LATS1: variants seen among roughly 807,000 people sequenced by gnomAD.
The protein encoded by LATS1 is large tumor suppressor kinase 1, also known as serine/threonine-protein kinase LATS1.
LATS1 carries 25 observed loss-of-function variants against 106.6 expected under a neutral mutation model. That is an observed-to-expected ratio of 0.23 (90% CI 0.17 to 0.33). The LOEUF (loss-of-function observed/expected upper bound fraction) is 0.33, where lower values mean the gene tolerates loss of function less well. Among genes scored for constraint, LATS1 ranks in the 10% least tolerant of loss-of-function variants. LATS1 has a pLI of 1.00. For missense variants in LATS1, 1,040 were observed against 1,382.6 expected, an observed-to-expected ratio of 0.75 and a Z score of 3.93; for synonymous variants, 465 against 455.6, an observed-to-expected ratio of 1.02 and a Z score of -0.26.
chr6:149,683,055 A>C (rs983661698), intron 4 of LATS1, 24 bp downstream of exon 4: 88 of 1,572,698 alleles, frequency 5.6e-5, no homozygotes, highest in Non-Finnish European at 7.3e-5. Flanking sequence ...TAAGTATAAA[A>C]ATGGACATTT....
chr6:149,694,719 A>T (rs1189404214), intron 3 of LATS1, among the ~76,000 whole-genome samples: 5 of 152,186 alleles, frequency 3.3e-5, no homozygotes, highest in Non-Finnish European at 7.3e-5. Context: ...CTTTCTAAAT[A>T]TTCTATGTTG....
chr6:149,685,973 C>A (rs1172229281), intron 3 of LATS1, among the ~76,000 whole-genome samples: 1 of 151,882 alleles, frequency 6.6e-6, no homozygotes, highest in African/African-American at 2.4e-5. Context: ...TAGAAAAAAA[C>A]AAAAGACCAT....
intron 2 of LATS1, among the ~76,000 whole-genome samples, chr6:149,701,161 C>A (rs1315665013): frequency 6.6e-6 from 1 of 152,176 alleles, no homozygotes. Context: ...CTAAAATATT[C>A]ATGCTTACAA....
intron 3 of LATS1, 37 bp from the exon 4 acceptor site, chr6:149,684,629 A>C: frequency 6.9e-7 from 1 of 1,454,364 alleles, no homozygotes; most frequent in East Asian, 2.3e-5. Flanking sequence ...AAAAAGAATC[A>C]TGTTTTTAAC....
intron 1 of LATS1, among the ~76,000 whole-genome samples, chr6:149,715,254 A>G (rs1784322541): frequency 6.6e-6 from 1 of 152,008 alleles, no homozygotes; most frequent in African/African-American, 2.4e-5. Flanking sequence ...TTTTTAGTAG[A>G]GATGGGGTTT....
intron 3 of LATS1, among the ~76,000 whole-genome samples, chr6:149,688,100 C>T (rs987332510): frequency 3.3e-5 from 5 of 151,406 alleles, no homozygotes; most frequent in Non-Finnish European, 7.4e-5. Flanking sequence ...TGGTCTCGAT[C>T]TCCTGACCTC....
intron 7 of LATS1, among the ~76,000 whole-genome samples, chr6:149,672,061 T>G (rs570423480): frequency 6.6e-5 from 10 of 151,746 alleles, no homozygotes; most frequent in Non-Finnish European, 1.0e-4. Flanking sequence ...GCTAATTTTT[T>G]TTTGTATTTT....
chr6:149,709,206 C>T (rs1198681254), intron 1 of LATS1, among the ~76,000 whole-genome samples: 2 of 152,146 alleles, frequency 1.3e-5, no homozygotes, highest in Non-Finnish European at 2.9e-5. Context: ...TCATTATTCC[C>T]TCCTCCCTGT....
chr6:149,702,366 G>A (rs1582913701), intron 1 of LATS1, 100 bp from the exon 2 acceptor site: 2 of 377,114 alleles, frequency 5.3e-6, no homozygotes, highest in East Asian at 4.0e-5. Context: ...AGAGATTCAG[G>A]TTATAGTTCT....
intron 4 of LATS1, among the ~76,000 whole-genome samples, chr6:149,680,747 A>G (rs955587523): frequency 1.3e-5 from 2 of 151,480 alleles, no homozygotes; most frequent in Non-Finnish European, 1.5e-5. Context: ...CACTCCGAAA[A>G]AAAAAAAAAA....
intron 3 of LATS1, among the ~76,000 whole-genome samples, chr6:149,692,865 G>A (rs1017112505): frequency 2.6e-5 from 4 of 151,812 alleles, no homozygotes; most frequent in African/African-American, 7.3e-5. Context: ...GTAGAGACGA[G>A]GTTTCTTCAT....
chr6:149,697,197 T>C, intron 2 of LATS1: 4 of 1,231,588 alleles, frequency 3.2e-6, no homozygotes, highest in Non-Finnish European at 4.4e-6. Flanking sequence ...CTATATGAAA[T>C]GATAAGAGAA....
chr6:149,698,190 G>A (rs527534504), intron 2 of LATS1, among the ~76,000 whole-genome samples: 2 of 151,250 alleles, frequency 1.3e-5, no homozygotes, highest in Non-Finnish European at 2.9e-5. Flanking sequence ...GGAGGTGTTA[G>A]TGCCAGTGTG....
At chr6:149,709,179 C>T (rs1022555184) in intron 1 of LATS1, among the ~76,000 whole-genome samples, 4 of 152,138 alleles carry the variant, frequency 2.6e-5, no homozygotes, top group African/African-American at 7.2e-5. Context: ...TGATGGGAAG[C>T]GGAGTTTGGC....
rs1212315215 is a variant in LATS1, at chr6:149,660,846, TTGA to T, written c.*880_*882del. 3 of 212,566 alleles carry T rather than the reference TTGA, an allele frequency of 1.4e-5. No homozygotes were observed. Among genetic ancestry groups the T allele is most frequent in the African/African-American group, 6.8e-5 (3 of 44,182 alleles). 13.2% of individuals were successfully genotyped at this position (212,566 alleles called of 1,614,324 possible). ...GTTCTGAAAGAGGAAACAGGTAACA[TTGA>T]TGATATAATCAAAATAGTTACTATA... On this transcript the variant is annotated 3_prime_UTR_variant, in exon 8 of 8. Transcript: ENST00000543571.
intron 7 of LATS1, among the ~76,000 whole-genome samples, chr6:149,668,457 TAA>T (rs1189713633): frequency 6.6e-6 from 1 of 151,308 alleles, no homozygotes; most frequent in Non-Finnish European, 1.5e-5. Context: ...TTTTTTTTTT[TAA>T]GAGACAGGGT....
In LATS1 at chr6:149,702,041, T is replaced by C; in HGVS notation, c.86A>G (p.Gln29Arg). 6.2e-7 allele frequency: 1 copy of C among 1,614,180 alleles called. No homozygotes were observed. The highest frequency in any genetic ancestry group is 2.2e-5 in the East Asian group (1 of 44,878). The change falls in exon 2 of 8, where the codon CAA (glutamine) becomes CGA (arginine). Residue 29 changes from glutamine (Q) to arginine (R), a missense_variant. By Grantham distance (43) the Gln-to-Arg change is conservative. Transcript: ENST00000543571. ...PASNYTVSSRQMLQEIRESLR... is the reference protein window; with the variant it reads ...PASNYTVSSRRMLQEIRESLR... Reference sequence around the variant, plus strand: ...GGATTCCCGAATTTCTTGTAACATTTGCCGGCTACTGACAGTATAGTTACT... The same window carrying C: ...GGATTCCCGAATTTCTTGTAACATTCGCCGGCTACTGACAGTATAGTTACT...
rs117971225 is a variant in LATS1 at position 149,715,309 on chromosome 6, T to C, written c.-141+2540A>G. ...GTCTCGAACTCCAGACCTCAGGTAA[T>C]CCGCCCTCCTTGGCCTCCCAAAGTG... On this transcript the variant is annotated intron_variant, in intron 1 of 7. Coordinates refer to ENST00000543571, the MANE Select transcript of LATS1 (RefSeq NM_004690.4). Among the ~76,000 whole-genome samples the C allele has an allele frequency of 2.3e-4, 35 of 152,274 alleles. No individual in the cohort carries two copies. The East Asian group carries it at 6.2e-3, about 27-fold the overall frequency.
chr6:149,711,787 C>T (rs1325338399), intron 1 of LATS1, among the ~76,000 whole-genome samples: 1 of 152,188 alleles, frequency 6.6e-6, no homozygotes, highest in Non-Finnish European at 1.5e-5. Flanking sequence ...TCTCCCCTAC[C>T]TCCAGGCCCG....
Sources: gnomAD v4.1 joint callset for allele counts (sites outside exome capture counted in the v4.1 genomes callset) on GRCh38, gnomAD v4.1.1 for gene constraint, MANE v1.5 for transcripts, NCBI Gene and HGNC (gene_info 2026-07-23, HGNC 2026-07-21) for gene names.